Variants in EPB41L2 observed in about 807,000 individuals in gnomAD.
EPB41L2 encodes the protein erythrocyte membrane protein band 4.1 like 2.
A neutral mutation model predicts 113.0 loss-of-function variants in EPB41L2; 43 were observed. That is an observed-to-expected ratio of 0.38 (90% CI 0.30 to 0.49). EPB41L2 has a LOEUF of 0.49. Among genes scored for constraint, EPB41L2 ranks in the 20% least tolerant of loss-of-function variants. The probability of loss-of-function intolerance (pLI) is 0.95; values close to 1 mark genes in which losing one functional copy is unlikely to be tolerated. For missense variants in EPB41L2, 1,147 were observed against 1,223.4 expected, an observed-to-expected ratio of 0.94 and a Z score of 0.93; for synonymous variants, 442 against 436.7, an observed-to-expected ratio of 1.01 and a Z score of -0.15.
chr6:131,027,755 T>C (rs189286558), intron 1 of EPB41L2, among the ~76,000 whole-genome samples: 128 of 152,316 alleles, frequency 8.4e-4, no homozygotes, highest in Middle Eastern at 6.8e-3. Context: ...AAACATCTCA[T>C]GTACCCCATA....
At chr6:130,889,773 T>C (rs1266257824) in intron 11 of EPB41L2, among the ~76,000 whole-genome samples, 4 of 152,236 alleles carry the variant, frequency 2.6e-5, no homozygotes, top group Admixed American at 6.5e-5. Flanking sequence ...AAAACATATG[T>C]GTCCAACATC....
chr6:130,929,360 T>G (rs1027919192), intron 3 of EPB41L2, among the ~76,000 whole-genome samples: 1 of 152,204 alleles, frequency 6.6e-6, no homozygotes, highest in African/African-American at 2.4e-5. Flanking sequence ...TTATAGAGCT[T>G]ACTTTTTACT....
At chr6:130,951,489 TA>T (rs956722417) in intron 3 of EPB41L2, among the ~76,000 whole-genome samples, 1 of 151,460 alleles carries the variant, frequency 6.6e-6, no homozygotes, top group African/African-American at 2.4e-5. Flanking sequence ...CACGCCCGGC[TA>T]AAATTTTTGT....
intron 19 of EPB41L2, among the ~76,000 whole-genome samples, chr6:130,850,152 C>T (rs987807542): frequency 1.4e-4 from 22 of 152,066 alleles, no homozygotes; most frequent in Non-Finnish European, 2.1e-4. Context: ...GTAGGAGAAA[C>T]GCTTGAACCT....
intron 3 of EPB41L2, among the ~76,000 whole-genome samples, chr6:130,934,008 T>A (rs1485075954): frequency 1.3e-5 from 2 of 152,154 alleles, no homozygotes; most frequent in African/African-American, 4.8e-5. Context: ...GCTATGTATT[T>A]TGCACTAGCT....
At chr6:130,975,018 T>A (rs1777884945) in intron 1 of EPB41L2, among the ~76,000 whole-genome samples, 2 of 152,110 alleles carry the variant, frequency 1.3e-5, no homozygotes, top group South Asian at 4.1e-4. Flanking sequence ...ATAAGTCAAG[T>A]GAACCCAGAG....
At chr6:130,970,132 T>G (rs1317759161) in intron 1 of EPB41L2, among the ~76,000 whole-genome samples, 4 of 152,154 alleles carry the variant, frequency 2.6e-5, no homozygotes. Flanking sequence ...ATCTACTCTG[T>G]ACATTAGTAT....
chr6:130,890,738 GTTA>G (rs1477993429), intron 10 of EPB41L2, among the ~76,000 whole-genome samples: 1 of 152,092 alleles, frequency 6.6e-6, no homozygotes, highest in Non-Finnish European at 1.5e-5. Flanking sequence ...TATATCAAAG[GTTA>G]TTTATTTGTA....
chr6:130,985,358 TG>T (rs1780300816), intron 1 of EPB41L2, among the ~76,000 whole-genome samples: 1 of 152,184 alleles, frequency 6.6e-6, no homozygotes, highest in African/African-American at 2.4e-5. Context: ...CACTGAAAGC[TG>T]TTTTCTTCAC....
intron 1 of EPB41L2, among the ~76,000 whole-genome samples, chr6:131,055,353 T>A (rs539375388): frequency 6.6e-6 from 1 of 152,302 alleles, no homozygotes; most frequent in Non-Finnish European, 1.5e-5. Flanking sequence ...TATATTTTTC[T>A]AATATTGAAA....
In EPB41L2 at chr6:130,956,340, G is replaced by A; in HGVS notation, c.146C>T (p.Pro49Leu). The A allele has an allele frequency of 6.2e-7, 1 of 1,614,146 alleles. No individual in the cohort carries two copies. Among genetic ancestry groups the A allele is most frequent in the South Asian group, 1.1e-5 (1 of 91,074 alleles). ...SDPEEEKGSQ[P>L]PPAAESQSSL... ...ACTTTGGCTTTCAGCTGCAGGAGGT[G>A]GCTGGGAACCTTTTTCCTCCTCTGG... is the stretch of plus-strand genomic sequence containing the variant. The change falls in exon 2 of 20, where the codon CCA (proline) becomes CTA (leucine). Residue 49 changes from proline to leucine, a missense_variant. Coordinates refer to ENST00000337057, the MANE Select transcript of EPB41L2 (RefSeq NM_001431.4).
chr6:131,024,622 C>T (rs1279619525), intron 1 of EPB41L2, among the ~76,000 whole-genome samples: 2 of 152,134 alleles, frequency 1.3e-5, no homozygotes, highest in East Asian at 1.9e-4. Flanking sequence ...GCGCAAGGAC[C>T]GACCGTGTCT....
At chr6:130,924,019 T>C (rs906227905) in intron 4 of EPB41L2, among the ~76,000 whole-genome samples, 1 of 152,158 alleles carries the variant, frequency 6.6e-6, no homozygotes, top group Non-Finnish European at 1.5e-5. Context: ...CATTCTACTC[T>C]TTGTTTCTAT....
intron 1 of EPB41L2, among the ~76,000 whole-genome samples, chr6:130,995,477 G>A (rs1166703715): frequency 6.6e-6 from 1 of 152,176 alleles, no homozygotes; most frequent in Non-Finnish European, 1.5e-5. Flanking sequence ...CTCCAGCCTG[G>A]GTGACAGAGT....
intron 3 of EPB41L2, among the ~76,000 whole-genome samples, chr6:130,928,800 C>T (rs904524490): frequency 2.0e-5 from 3 of 152,198 alleles, no homozygotes; most frequent in East Asian, 1.9e-4. Flanking sequence ...ATTACTGCAC[C>T]GCACCAGTGT....
chr6:130,923,101 C>CT (rs1162611555), intron 4 of EPB41L2, among the ~76,000 whole-genome samples: 3 of 152,152 alleles, frequency 2.0e-5, no homozygotes, highest in Non-Finnish European at 1.5e-5. Context: ...AAACCCAGGC[C>CT]TTAATTCTTG....
intron 19 of EPB41L2, among the ~76,000 whole-genome samples, chr6:130,852,291 T>C (rs552861094): frequency 6.6e-6 from 1 of 152,288 alleles, no homozygotes; most frequent in East Asian, 1.9e-4. Flanking sequence ...TGCTATCCTA[T>C]GCTCCCTCTT....
intron 17 of EPB41L2, among the ~76,000 whole-genome samples, chr6:130,865,208 C>T (rs977383342): frequency 4.6e-5 from 7 of 152,316 alleles, no homozygotes; most frequent in Non-Finnish European, 5.9e-5. Context: ...TCGCTTTAGT[C>T]AGGAGGGCTG....
intron 19 of EPB41L2, among the ~76,000 whole-genome samples, chr6:130,857,021 T>C (rs917900779): frequency 6.6e-6 from 1 of 152,162 alleles, no homozygotes; most frequent in East Asian, 1.9e-4. Context: ...ACAAATACCC[T>C]TGTAGGTGAA....
Sources: allele counts gnomAD v4.1 joint callset (sites outside exome capture counted in the v4.1 genomes callset), GRCh38; gene constraint gnomAD v4.1.1; transcripts MANE v1.5; gene names NCBI Gene and HGNC (gene_info 2026-07-23, HGNC 2026-07-21).